The following PPP4R2 variants were observed in gnomAD, a reference collection of about 807,000 sequenced individuals.
The protein encoded by PPP4R2 is protein phosphatase 4 regulatory subunit 2.
Under a neutral mutation model 47.2 loss-of-function variants are expected in PPP4R2, and 13 were observed. That is an observed-to-expected ratio of 0.28 (90% confidence interval 0.18 to 0.44). The LOEUF (loss-of-function observed/expected upper bound fraction) is 0.44. Among genes scored for constraint, PPP4R2 ranks in the 20% least tolerant of loss-of-function variants. The pLI is 1.00. For synonymous variants in PPP4R2, 151 were observed against 163.3 expected (o/e 0.92, Z 0.57); for missense variants, 421 against 491.2 (o/e 0.86, Z 1.35).
chr3:73,014,591 C>T (rs1701786272), intron 2 of PPP4R2, among the ~76,000 whole-genome samples: 1 of 152,200 alleles, frequency 6.6e-6, no homozygotes, highest in South Asian at 2.1e-4. Context: ...AGCCATTGTG[C>T]AGAGCCCATT....
intron 5 of PPP4R2, chr3:73,062,682 A>G: frequency 1.2e-6 from 2 of 1,613,958 alleles, no homozygotes; most frequent in Non-Finnish European, 1.7e-6. Context: ...AAGTGATAAG[A>G]TTTGCACCAG....
intron 2 of PPP4R2, among the ~76,000 whole-genome samples, chr3:73,028,256 C>CAAA (rs60279021): frequency 2.5e-5 from 3 of 120,478 alleles, no homozygotes; most frequent in Admixed American, 1.8e-4. Context: ...GACTCCGTCT[C>CAAA]AAAAAAAAAA....
At position 72,996,959 on chromosome 3, in the gene PPP4R2, CG is replaced by C. The variant is rs1480108134; in HGVS notation, c.-72del. On this transcript the variant is annotated 5_prime_UTR_variant, in exon 1 of 9. Transcript: ENST00000356692. ...TGTGTGCGAGGGAGGGGGAGGGCGT[CG>C]GGGGGGTGGGGGGAGGCGTTCCGGT... 7.6e-5 allele frequency: 85 copies of C among 1,112,076 alleles called. No individual in the cohort carries two copies. The highest frequency in any genetic ancestry group is 5.8e-4 in the South Asian group (21 of 36,110). The allele number at this position is 1,112,076 out of a possible 1,614,324, so 68.9% of individuals were successfully genotyped here.
chr3:73,064,130 G>T lies in PPP4R2; in HGVS notation c.622G>T (p.Glu208Ter). The T allele has an allele frequency of 6.2e-7, 1 of 1,604,584 alleles. No homozygotes were observed. Among genetic ancestry groups the T allele is most frequent in the Non-Finnish European group, 8.5e-7 (1 of 1,177,568 alleles). The change falls in exon 7 of 9, where the codon GAG becomes TAG. Residue 208 changes from glutamate to a stop codon, truncating the protein, a stop_gained. Coordinates refer to ENST00000356692, the MANE Select transcript of PPP4R2 (RefSeq NM_174907.4). LOFTEE classifies it high-confidence loss of function. ...CAAAGAGGCAAATTTGCAGCAAAAT[G>T]AGGAGAAAAATCACAGGTTTGTATG... ...DSKEANLQQN[E>*]EKNHSDSSTS...
intron 2 of PPP4R2, among the ~76,000 whole-genome samples, chr3:73,025,508 G>C (rs11128305): frequency 0.14 from 20,759 of 152,146 alleles, 1,728 homozygotes; most frequent in East Asian, 0.36. Flanking sequence ...GGTGATTATG[G>C]TCTGGGGAAG....
intron 8 of PPP4R2, 57 bp from the exon 9 acceptor site, chr3:73,065,340 A>G: frequency 6.8e-7 from 1 of 1,477,308 alleles, no homozygotes; most frequent in Non-Finnish European, 9.1e-7. Flanking sequence ...ATGAAACTTA[A>G]CTGTGGAGGT....
chr3:73,040,332 G>A (rs1702351965), intron 2 of PPP4R2, among the ~76,000 whole-genome samples: 1 of 152,072 alleles, frequency 6.6e-6, no homozygotes, highest in Non-Finnish European at 1.5e-5. Flanking sequence ...GTTTCTGAAG[G>A]TTGAAACAAA....
At chr3:73,052,241 C>CTCT in intron 3 of PPP4R2, among the ~76,000 whole-genome samples, 1 of 137,734 alleles carries the variant, frequency 7.3e-6, no homozygotes, top group Admixed American at 7.1e-5. Flanking sequence ...TAATTTCTTT[C>CTCT]TTTTCTTTTT....
At chr3:72,997,940 G>GT in intron 1 of PPP4R2, 137 bp from the exon 2 acceptor site, 1 of 672,706 alleles carries the variant, frequency 1.5e-6, no homozygotes, top group Non-Finnish European at 2.6e-6. Context: ...GATTGAGGTG[G>GT]TAATTTGGTT....
intron 4 of PPP4R2, among the ~76,000 whole-genome samples, chr3:73,060,514 T>TA (rs1263319631): frequency 1.3e-5 from 2 of 152,206 alleles, no homozygotes; most frequent in African/African-American, 2.4e-5. Context: ...CTGTGACTCA[T>TA]ACTAAACTTT....
intron 2 of PPP4R2, among the ~76,000 whole-genome samples, chr3:73,001,554 A>G (rs1199766501): frequency 6.6e-6 from 1 of 152,238 alleles, no homozygotes; most frequent in Non-Finnish European, 1.5e-5. Context: ...AGTCTGGGCA[A>G]CAGAGTAAGA....
chr3:73,010,278 A>G (rs559180704), intron 2 of PPP4R2, among the ~76,000 whole-genome samples: 1 of 152,276 alleles, frequency 6.6e-6, no homozygotes, highest in Admixed American at 6.5e-5. Context: ...GCTGGAGTAC[A>G]GTGGTGCCAT....
chr3:73,019,015 T>TG (rs35683165), intron 2 of PPP4R2, among the ~76,000 whole-genome samples: 49,877 of 151,900 alleles, frequency 0.33, 8,718 homozygotes, highest in Non-Finnish European at 0.4. Flanking sequence ...GTTAGATAAA[T>TG]GAATAGAGAT....
chr3:73,032,104 A>G (rs1300513517), intron 2 of PPP4R2, among the ~76,000 whole-genome samples: 1 of 152,090 alleles, frequency 6.6e-6, no homozygotes, highest in East Asian at 1.9e-4. Flanking sequence ...GATTTTTTTT[A>G]TTATTTAGTT....
In PPP4R2 at chr3:73,018,407, C is replaced by CGTTATGTTATGTTATGTTATGTTAT. The variant is rs11282207; in HGVS notation, c.116+20270_116+20294dup. Among the ~76,000 whole-genome samples, 132 of 96,112 alleles carry CGTTATGTTATGTTATGTTATGTTAT rather than the reference C, an allele frequency of 1.4e-3. 4 individuals carry two copies. The highest frequency in any genetic ancestry group is 4.2e-3 in the East Asian group (17 of 4,058). The allele number at this position is 96,112 out of a possible 152,430, so 63.1% of individuals were successfully genotyped here. A position where few individuals can be genotyped will look rare whatever the true frequency, so the allele number is the denominator to read the frequency against. ...CAAGGGATGACTCTGCTGTCATAGT[C>CGTTATGTTATGTTATGTTATGTTAT]GTTATGTTATGTTATGTTATGTTAT... On this transcript the variant is annotated intron_variant, in intron 2 of 8. Transcript: ENST00000356692.
chr3:73,051,803 T>A (rs1029337380), intron 3 of PPP4R2, among the ~76,000 whole-genome samples: 1 of 152,080 alleles, frequency 6.6e-6, no homozygotes, highest in Admixed American at 6.6e-5. Context: ...TTTTTTGTAT[T>A]TTTAGTAGAG....
intron 2 of PPP4R2, among the ~76,000 whole-genome samples, chr3:73,002,665 G>A (rs1312605695): frequency 3.9e-5 from 2 of 51,324 alleles, no homozygotes; most frequent in East Asian, 2.5e-4. Context: ...TTTTTGAGAC[G>A]GAGTCTCGCT....
chr3:73,002,152 A>G (rs1299402367), intron 2 of PPP4R2, among the ~76,000 whole-genome samples: 1 of 152,214 alleles, frequency 6.6e-6, no homozygotes, highest in African/African-American at 2.4e-5. Context: ...CTATAGTTCC[A>G]TCCATGTTGT....
chr3:73,058,604 C>G (rs1025268336), intron 3 of PPP4R2, among the ~76,000 whole-genome samples: 7 of 151,776 alleles, frequency 4.6e-5, no homozygotes, highest in African/African-American at 1.5e-4. Context: ...GCATTATAAT[C>G]ACATCAGGGT....
Sources: allele counts gnomAD v4.1 joint callset (sites outside exome capture counted in the v4.1 genomes callset), GRCh38; gene constraint gnomAD v4.1.1; transcripts MANE v1.5; gene names NCBI Gene and HGNC (gene_info 2026-07-23, HGNC 2026-07-21).